The following SPAG16 variants were observed in gnomAD, a reference collection of about 807,000 sequenced individuals.
SPAG16 encodes sperm associated antigen 16.
Under a neutral mutation model 80.4 loss-of-function variants are expected in SPAG16, and 86 were observed. That is an observed-to-expected ratio of 1.07 (90% CI 0.90 to 1.28). The LOEUF (loss-of-function observed/expected upper bound fraction) is 1.28, where lower values mean the gene tolerates loss of function less well. SPAG16 is among the 50% of genes most tolerant of loss of function. The probability of loss-of-function intolerance (pLI) is 0.00; values close to 1 mark genes in which losing one functional copy is unlikely to be tolerated. For synonymous variants in SPAG16, 294 were observed against 265.9 expected, an observed-to-expected ratio of 1.11 and a Z score of -1.03; for missense variants, 870 against 765.3, an observed-to-expected ratio of 1.14 and a Z score of -1.61.
At chr2:214,092,370 A>G (rs1281685168) in intron 13 of SPAG16, among the ~76,000 whole-genome samples, 4 of 152,058 alleles carry the variant, frequency 2.6e-5, no homozygotes, top group Non-Finnish European at 5.9e-5. Context: ...GTGAATTGGT[A>G]GTTGTCACTT....
intron 15 of SPAG16, among the ~76,000 whole-genome samples, chr2:214,396,830 A>G (rs993625790): frequency 1.3e-5 from 2 of 152,092 alleles, no homozygotes; most frequent in African/African-American, 4.8e-5. Flanking sequence ...ATAGATCTAC[A>G]TCAAGATCTT....
intron 15 of SPAG16, among the ~76,000 whole-genome samples, chr2:214,273,586 G>A (rs1248043146): frequency 6.6e-6 from 1 of 151,926 alleles, no homozygotes; most frequent in Non-Finnish European, 1.5e-5. Flanking sequence ...TGTCAGGTTT[G>A]TCAAAGATCA....
intron 12 of SPAG16, among the ~76,000 whole-genome samples, chr2:213,995,150 A>G (rs1241660127): frequency 1.3e-5 from 2 of 152,178 alleles, no homozygotes; most frequent in Non-Finnish European, 2.9e-5. Flanking sequence ...TTGCTCACCA[A>G]AGCCTGACAT....
chr2:214,024,800 C>T (rs1174398143), intron 13 of SPAG16, among the ~76,000 whole-genome samples: 2 of 151,338 alleles, frequency 1.3e-5, no homozygotes, highest in African/African-American at 4.8e-5. Context: ...GTTTTTTTGA[C>T]TTATTTGAAT....
chr2:214,187,021 C>A (rs1220676343), intron 15 of SPAG16, among the ~76,000 whole-genome samples: 2 of 152,138 alleles, frequency 1.3e-5, no homozygotes, highest in South Asian at 2.1e-4. Flanking sequence ...ACCTTGGCCT[C>A]CCAAAGTGCT....
intron 11 of SPAG16, among the ~76,000 whole-genome samples, chr2:213,925,163 TG>T (rs1397160515): frequency 6.6e-6 from 1 of 152,108 alleles, no homozygotes; most frequent in Admixed American, 6.6e-5. Context: ...CAAGCATTTT[TG>T]TTTTATTTTT....
chr2:214,135,736 TC>T (rs1243236878), intron 14 of SPAG16, among the ~76,000 whole-genome samples: 1 of 151,624 alleles, frequency 6.6e-6, no homozygotes, highest in African/African-American at 2.4e-5. Flanking sequence ...TCTCTCTCTC[TC>T]TCTCTCTCTC....
At chr2:214,179,280 G>T (rs1257106836) in intron 15 of SPAG16, among the ~76,000 whole-genome samples, 1 of 151,066 alleles carries the variant, frequency 6.6e-6, no homozygotes, top group East Asian at 1.9e-4. Flanking sequence ...CTATCAGTTG[G>T]TATAATTTTT....
chr2:213,988,357 A>G lies in SPAG16; in HGVS notation c.1401-25594A>G, dbSNP rs2046119458. On this transcript the variant is annotated intron_variant, in intron 12 of 15. Transcript: ENST00000331683. The stretch of plus-strand genomic sequence containing the variant: ...GATAGACTGTATCTTGGGCCATAAA[A>G]CAAGATCAATAAAATTAAGATGATT... Among the ~76,000 whole-genome samples, 3 of 152,110 alleles carry G rather than the reference A, an allele frequency of 2.0e-5. No homozygotes were observed. In the South Asian group the frequency reaches 6.2e-4, roughly 31 times the overall value.
intron 15 of SPAG16, among the ~76,000 whole-genome samples, chr2:214,168,467 T>G (rs1284908981): frequency 6.6e-6 from 1 of 151,978 alleles, no homozygotes; most frequent in Non-Finnish European, 1.5e-5. Flanking sequence ...ACCTCTTTCT[T>G]TCTGTCTCTG....
At chr2:213,672,516 G>T (rs1442860704) in intron 10 of SPAG16, among the ~76,000 whole-genome samples, 2 of 151,742 alleles carry the variant, frequency 1.3e-5, no homozygotes, top group Non-Finnish European at 2.9e-5. Flanking sequence ...TTACTTTTTT[G>T]TTCCATTGTT....
rs967319232 is a variant in SPAG16 at position 213,476,920 on chromosome 2, G to T, written c.943-13043G>T. Among the ~76,000 whole-genome samples the T allele has an allele frequency of 1.5e-4, 23 of 152,316 alleles. No homozygotes were observed. The Middle Eastern group carries it at 0.01, about 68-fold the overall frequency. ...GAATAAGGTATGTGGACACTGGAGA[G>T]TGAGTAAGGCAGAGTAGAATTTTAT... On this transcript the variant is annotated intron_variant, in intron 9 of 15. Transcript: ENST00000331683.
intron 10 of SPAG16, among the ~76,000 whole-genome samples, chr2:213,753,966 G>A (rs530058828): frequency 8.0e-4 from 122 of 152,320 alleles, no homozygotes; most frequent in African/African-American, 2.8e-3. Context: ...AGCAAGCCGT[G>A]ACATAGGTTA....
At chr2:213,396,615 TG>T (rs1282909648) in intron 9 of SPAG16, 1 of 455,192 alleles carries the variant, frequency 2.2e-6, no homozygotes, top group African/African-American at 2.0e-5. Context: ...CTCTCAAACT[TG>T]GAATAAGACC....
At chr2:213,996,372 A>G (rs1205849809) in intron 12 of SPAG16, among the ~76,000 whole-genome samples, 2 of 152,214 alleles carry the variant, frequency 1.3e-5, no homozygotes, top group Non-Finnish European at 2.9e-5. Flanking sequence ...ATTAAATCAT[A>G]TTTAAGACAT....
chr2:213,330,328 A>C (rs2064037757), intron 5 of SPAG16, among the ~76,000 whole-genome samples: 1 of 151,422 alleles, frequency 6.6e-6, no homozygotes, highest in Non-Finnish European at 1.5e-5. Flanking sequence ...TGTACCTTGT[A>C]AAGCCACAGG....
intron 15 of SPAG16, among the ~76,000 whole-genome samples, chr2:214,276,177 C>A (rs1171276631): frequency 1.3e-5 from 2 of 152,158 alleles, no homozygotes; most frequent in Non-Finnish European, 2.9e-5. Context: ...TTATTTTGAG[C>A]CAATGTGTGT....
intron 10 of SPAG16, among the ~76,000 whole-genome samples, chr2:213,674,125 T>C (rs1279290252): frequency 6.6e-6 from 1 of 152,184 alleles, no homozygotes; most frequent in Non-Finnish European, 1.5e-5. Context: ...TGTATTTTAG[T>C]TGAATATGGA....
At chr2:214,038,537 T>G in intron 13 of SPAG16, among the ~76,000 whole-genome samples, 1 of 149,432 alleles carries the variant, frequency 6.7e-6, no homozygotes, top group South Asian at 2.1e-4. Context: ...AATTCATTTC[T>G]TTTTTTTTAG....
Sources: allele counts gnomAD v4.1 joint callset (sites outside exome capture counted in the v4.1 genomes callset), GRCh38; gene constraint gnomAD v4.1.1; transcripts MANE v1.5; gene names NCBI Gene and HGNC (gene_info 2026-07-23, HGNC 2026-07-21).